ZC2HC1B: variants seen among roughly 807,000 people sequenced by gnomAD.
ZC2HC1B encodes zinc finger C2HC domain-containing protein 1B.
A neutral mutation model predicts 31.0 loss-of-function variants in ZC2HC1B; 36 were observed. The ratio of observed to expected loss-of-function variants is 1.16; its 90% CI spans 0.89 to 1.54. The LOEUF (loss-of-function observed/expected upper bound fraction) is 1.54, where lower values mean the gene tolerates loss of function less well. Ranked by LOEUF, ZC2HC1B falls within the 40% of genes most tolerant of loss-of-function variation. The pLI is 0.00. For missense variants in ZC2HC1B, 260 were observed against 268.6 expected, an observed-to-expected ratio of 0.97 and a Z score of 0.22; for synonymous variants, 73 against 88.0, an observed-to-expected ratio of 0.83 and a Z score of 0.95.
At position 143,883,054 on chromosome 6, in the gene ZC2HC1B, G is replaced by C. The variant is rs752444466; in HGVS notation, c.29-1250G>C. On this transcript the variant is annotated intron_variant, in intron 1 of 7. Coordinates refer to ENST00000237275, the MANE Select transcript of ZC2HC1B (RefSeq NM_001013623.3). This position sits in a 1 kb window ranked among gnomAD's most constrained non-coding sequence, Gnocchi z 4.1. ...ACCTTCAGCTTTTTTGTGTGTAAGT[G>C]GGGGAGACAGGATCTTGCTCTGTCT... 6.6e-6 allele frequency among the ~76,000 whole-genome samples: 1 copy of C among 151,902 alleles called. No homozygotes were observed. The highest frequency in any genetic ancestry group is 1.5e-5 in the Non-Finnish European group (1 of 67,958).
intron 6 of ZC2HC1B, among the ~76,000 whole-genome samples, chr6:143,904,672 C>A (rs1777774024): frequency 6.6e-6 from 1 of 152,120 alleles, no homozygotes; most frequent in African/African-American, 2.4e-5. Context: ...TTGGATTAAT[C>A]CTTGCCTAAT....
intron 6 of ZC2HC1B, among the ~76,000 whole-genome samples, chr6:143,919,098 A>G (rs1406223907): frequency 1.3e-5 from 2 of 151,716 alleles, no homozygotes; most frequent in Admixed American, 6.6e-5. Flanking sequence ...TGAAGGTGCT[A>G]TACTTTTCTT....
chr6:143,937,747 A>G lies in ZC2HC1B; in HGVS notation c.*14+14A>G. 1.3e-6 allele frequency: 2 copies of G among 1,524,940 alleles called. No individual in the cohort carries two copies. Among genetic ancestry groups the G allele is most frequent in the South Asian group, 1.2e-5 (1 of 81,512 alleles). 94.5% of individuals were successfully genotyped at this position (1,524,940 alleles called of 1,614,324 possible). A position where few individuals can be genotyped will look rare whatever the true frequency, so the allele number is the denominator to read the frequency against. ...CCTAGAAGCCAGGTAAGAAAAAAAA[A>G]TCACCGCTAATCCAGCTGTTGCTGA... On this transcript the variant is annotated intron_variant, in intron 7 of 7. Transcript: ENST00000237275.
Position 143,886,558 on chromosome 6 carries a change from C to T in ZC2HC1B, c.211-125C>T. ...CTCTTTAAGGAGTACTTTTGAAAAA[C>T]AAACTCTCCTTTTCCCCAATTTTCA... On this transcript the variant is annotated intron_variant, in intron 3 of 7. Transcript: ENST00000237275. The surrounding 1 kb of genome is among the most constrained non-coding windows in gnomAD (Gnocchi z 4.2). 9.6e-7 allele frequency: 1 copy of T among 1,040,616 alleles called. No individual in the cohort carries two copies. The highest frequency in any genetic ancestry group is 3.2e-5 in the East Asian group (1 of 31,586). The allele number at this position is 1,040,616 out of a possible 1,614,324, so 64.5% of individuals were successfully genotyped here.
rs1728663605 is a variant in ZC2HC1B at position 143,895,824 on chromosome 6, A to G, written c.350-2728A>G. On this transcript the variant is annotated intron_variant, in intron 4 of 7. Coordinates refer to ENST00000237275, the MANE Select transcript of ZC2HC1B (RefSeq NM_001013623.3). The surrounding 1 kb of genome is among the most constrained non-coding windows in gnomAD (Gnocchi z 4.8). ...TTCCACTTTTCTCTGAGATCTGGCC[A>G]CCATATTCCTCGAAAGAATTCATTT... Among the ~76,000 whole-genome samples, 1 of 152,212 alleles carries G rather than the reference A, an allele frequency of 6.6e-6. No homozygotes were observed. The highest frequency in any genetic ancestry group is 1.5e-5 in the Non-Finnish European group (1 of 68,028).
chr6:143,904,974 A>G (rs895055263), intron 6 of ZC2HC1B, among the ~76,000 whole-genome samples: 2 of 152,178 alleles, frequency 1.3e-5, no homozygotes, highest in Admixed American at 6.5e-5. Flanking sequence ...CTTGATTACT[A>G]TAGCTTTTAG....
In ZC2HC1B at chr6:143,871,928, A is replaced by G. The variant is rs1475820390; in HGVS notation, c.28+7361A>G. Among the ~76,000 whole-genome samples the G allele has an allele frequency of 6.6e-6, 1 of 152,078 alleles. No individual in the cohort carries two copies. The highest frequency in any genetic ancestry group is 1.5e-5 in the Non-Finnish European group (1 of 68,006). On this transcript the variant is annotated intron_variant, in intron 1 of 7. Coordinates refer to ENST00000237275, the MANE Select transcript of ZC2HC1B (RefSeq NM_001013623.3). The surrounding 1 kb of genome is among the most constrained non-coding windows in gnomAD (Gnocchi z 4.1). ...CTGGACCCACTGTAATTCGGACCTGAGCTGAAACTCCATTATTACCTGACC... is the reference window on the plus strand; with the variant it reads ...CTGGACCCACTGTAATTCGGACCTGGGCTGAAACTCCATTATTACCTGACC...
intron 6 of ZC2HC1B, among the ~76,000 whole-genome samples, chr6:143,930,840 T>C (rs1301648874): frequency 6.6e-6 from 1 of 152,262 alleles, no homozygotes; most frequent in Non-Finnish European, 1.5e-5. Flanking sequence ...GAATAATGTA[T>C]ATTCTGCAGT....
chr6:143,887,861 ACTGT>A lies in ZC2HC1B; in HGVS notation c.349+1043_349+1046del, dbSNP rs1369472906. On this transcript the variant is annotated intron_variant, in intron 4 of 7. Transcript: ENST00000237275. This position sits in a 1 kb window ranked among gnomAD's most constrained non-coding sequence, Gnocchi z 5.1. Reference sequence around the variant, plus strand: ...GCAAATATTGTCTCCAGTTCTGTGGACTGTCTTTTTCTCTCTCTCTTGATAATAG... The same window carrying A: ...GCAAATATTGTCTCCAGTTCTGTGGACTTTTTCTCTCTCTCTTGATAATAG... Among the ~76,000 whole-genome samples, 6 of 152,034 alleles carry A rather than the reference ACTGT, an allele frequency of 3.9e-5. No individual in the cohort carries two copies. The highest frequency in any genetic ancestry group is 8.8e-5 in the Non-Finnish European group (6 of 67,970).
At chr6:143,902,910 C>T (rs200825383) in intron 5 of ZC2HC1B, 134 bp from the exon 6 acceptor site, 3 of 736,386 alleles carry the variant, frequency 4.1e-6, no homozygotes, top group African/African-American at 3.5e-5. Context: ...TGTCCCCTTC[C>T]CCTGGATTCA....
At position 143,937,695 on chromosome 6, in the gene ZC2HC1B, TA is replaced by T. The variant is rs1209447224; in HGVS notation, c.646del (p.Ser216ValfsTer10). ...ASGAKLRQGFSKSSKKD is the reference protein window; with the variant it reads ...ASGAKLRQGFXKSSKKD ...CTGGAGCAAAACTCAGACAAGGATTTAGTAAATCTTCTAAAAAAGATTAACT... is the reference window on the plus strand; with the variant it reads ...CTGGAGCAAAACTCAGACAAGGATTTGTAAATCTTCTAAAAAAGATTAACT... On this transcript the variant is annotated frameshift_variant, in exon 7 of 8. Transcript: ENST00000237275. LOFTEE classifies it high-confidence loss of function. 2 of 1,551,048 alleles carry T rather than the reference TA, an allele frequency of 1.3e-6. No homozygotes were observed. Among genetic ancestry groups the T allele is most frequent in the African/African-American group, 2.7e-5 (2 of 73,014 alleles).
At chr6:143,916,993 G>C (rs577456807) in intron 6 of ZC2HC1B, among the ~76,000 whole-genome samples, 1 of 152,288 alleles carries the variant, frequency 6.6e-6, no homozygotes, top group South Asian at 2.1e-4. Context: ...TTTGGGAGGG[G>C]CCAGGGACAA....
chr6:143,878,741 C>A (rs754209828), intron 1 of ZC2HC1B, among the ~76,000 whole-genome samples: 1 of 136,908 alleles, frequency 7.3e-6, no homozygotes, highest in African/African-American at 2.7e-5. Flanking sequence ...CTCACAGGAA[C>A]CTAACCCTAT....
intron 1 of ZC2HC1B, 63 bp downstream of exon 1, chr6:143,864,630 G>A: frequency 2.6e-6 from 4 of 1,520,918 alleles, no homozygotes; most frequent in Non-Finnish European, 3.6e-6. Context: ...TTCATTTATG[G>A]CTTTTCCAAA....
Position 143,884,255 on chromosome 6 carries a change from C to A in ZC2HC1B, c.29-49C>A. 1 of 1,470,620 alleles carries A rather than the reference C, an allele frequency of 6.8e-7. No individual in the cohort carries two copies. Among genetic ancestry groups the A allele is most frequent in the Non-Finnish European group, 9.2e-7 (1 of 1,085,822 alleles). 91.1% of individuals were successfully genotyped at this position (1,470,620 alleles called of 1,614,324 possible). A position where few individuals can be genotyped will look rare whatever the true frequency, so the allele number is the denominator to read the frequency against. On this transcript the variant is annotated intron_variant, in intron 1 of 7. Transcript: ENST00000237275. This position sits in a 1 kb window ranked among gnomAD's most constrained non-coding sequence, Gnocchi z 5.1. ...CCTCCAGTCAGTCATTTCTTCTCAG[C>A]GAGGAAATTCCATGAAACTAACATA...
At chr6:143,880,994 G>A (rs1467342894) in intron 1 of ZC2HC1B, among the ~76,000 whole-genome samples, 3 of 151,940 alleles carry the variant, frequency 2.0e-5, no homozygotes, top group African/African-American at 4.8e-5. Flanking sequence ...TTGATAACAC[G>A]CAGAACCACC....
intron 5 of ZC2HC1B, among the ~76,000 whole-genome samples, chr6:143,900,931 T>G (rs1299236917): frequency 6.7e-6 from 1 of 149,058 alleles, no homozygotes; most frequent in Admixed American, 6.7e-5. Flanking sequence ...CTCCGCCTCC[T>G]GGGTTCAAGC....
chr6:143,880,305 T>C (rs1264442540), intron 1 of ZC2HC1B, among the ~76,000 whole-genome samples: 1 of 152,208 alleles, frequency 6.6e-6, no homozygotes, highest in Non-Finnish European at 1.5e-5. Flanking sequence ...GTGATACTCA[T>C]TGTTTTAGAA....
intron 1 of ZC2HC1B, among the ~76,000 whole-genome samples, chr6:143,878,554 G>T (rs1057445506): frequency 1.2e-4 from 18 of 150,770 alleles, no homozygotes; most frequent in African/African-American, 3.7e-4. Context: ...TCAAGGCTGT[G>T]ATTTGCCCTA....
Sources: allele counts gnomAD v4.1 joint callset (sites outside exome capture counted in the v4.1 genomes callset), GRCh38; gene constraint gnomAD v4.1.1; non-coding constraint Gnocchi (gnomAD v3.1); transcripts MANE v1.5; gene names NCBI Gene and HGNC (gene_info 2026-07-23, HGNC 2026-07-21).